Variants in MEIOC observed in about 807,000 individuals in gnomAD.
The protein encoded by MEIOC is meiosis-specific coiled-coil domain-containing protein MEIOC.
Under a neutral mutation model 85.3 loss-of-function variants are expected in MEIOC, and 9 were observed. That is an observed-to-expected ratio of 0.11 (90% CI 0.06 to 0.18). The LOEUF (loss-of-function observed/expected upper bound fraction) is 0.18. Ranked by LOEUF, MEIOC falls within the 10% of genes least tolerant of loss-of-function variation. MEIOC has a pLI of 1.00. For missense variants in MEIOC, 898 were observed against 1,129.4 expected (o/e 0.80, Z 2.94); for synonymous variants, 365 against 393.7 (o/e 0.93, Z 0.86).
At position 44,667,209 on chromosome 17, in the gene MEIOC, A is replaced by G. The variant is rs751077830; in HGVS notation, c.1298A>G (p.Asn433Ser). 22 of 1,613,772 alleles carry G rather than the reference A, an allele frequency of 1.4e-5. No homozygotes were observed. In the Middle Eastern group the frequency reaches 4.9e-4, roughly 36 times the overall value. ...AAACCTCACACAGCTTGTCCCGCTAATGATTTTGCTAACGTCACAGAAAAG... is the reference window on the plus strand; with the variant it reads ...AAACCTCACACAGCTTGTCCCGCTAGTGATTTTGCTAACGTCACAGAAAAG... ...GLKPHTACPA[N>S]DFANVTEKQQ... Residue 433 changes from asparagine (N) to serine (S), a missense_variant, in exon 5 of 8, where the codon AAT (asparagine) becomes AGT (serine). Physicochemically the swap from Asn to Ser is conservative, Grantham distance 46. This residue lies in a region of MEIOC where 734 missense variants were observed against 860.1 expected (regional missense o/e 0.85). Transcript: ENST00000409122.
At chr17:44,669,300 T>G in intron 5 of MEIOC, 83 bp from the exon 6 acceptor site, 2 of 1,138,474 alleles carry the variant, frequency 1.8e-6, no homozygotes, top group Non-Finnish European at 1.2e-6. Flanking sequence ...AATACTCTAT[T>G]TATTAGGCTT....
Position 44,667,789 on chromosome 17 carries a change from A to G in MEIOC, c.1878A>G (p.Leu626=). Residue 626 remains leucine, a synonymous_variant, in exon 5 of 8, where the codon TTA becomes TTG. Coordinates refer to ENST00000409122, the MANE Select transcript of MEIOC (RefSeq NM_001145080.3). ...HYDPEEGPKH[L]DGLSQNTYQD... ...ATCCTGAGGAAGGTCCAAAGCATTT[A>G]GATGGCTTATCACAAAATACATACC... 6.2e-7 allele frequency: 1 copy of G among 1,613,952 alleles called. No individual in the cohort carries two copies. The highest frequency in any genetic ancestry group is 8.5e-7 in the Non-Finnish European group (1 of 1,179,858).
intron 2 of MEIOC, among the ~76,000 whole-genome samples, chr17:44,661,314 G>C (rs1270807809): frequency 2.1e-5 from 2 of 97,020 alleles, no homozygotes; most frequent in Non-Finnish European, 4.4e-5. Flanking sequence ...AAAAAAAAAA[G>C]ATACTGTATA....
chr17:44,666,939 C>A lies in MEIOC; in HGVS notation c.1028C>A (p.Ser343Ter). The A allele has an allele frequency of 6.2e-7, 1 of 1,610,222 alleles. No homozygotes were observed. ...AATAAGGCTAAGCTTAATAAATGTT[C>A]AAATTTTAGTGTCCAAGATAGCAAA... is the stretch of plus-strand genomic sequence containing the variant. The part of the protein sequence containing the change: ...HPNKAKLNKC[S>*]NFSVQDSKKL... Residue 343 changes from serine to a stop codon, truncating the protein, a stop_gained, in exon 5 of 8, where the codon TCA becomes TAA. Transcript: ENST00000409122. LOFTEE classifies it high-confidence loss of function.
At chr17:44,664,500 T>A (rs1162529463) in intron 3 of MEIOC, among the ~76,000 whole-genome samples, 1 of 152,182 alleles carries the variant, frequency 6.6e-6, no homozygotes, top group Non-Finnish European at 1.5e-5. Context: ...TCAAAACAAA[T>A]GCTCATTGGA....
chr17:44,657,089 G>C (rs1364274542), intron 1 of MEIOC, 38 bp from the exon 2 acceptor site: 2 of 1,532,366 alleles, frequency 1.3e-6, no homozygotes, highest in Non-Finnish European at 1.8e-6. Flanking sequence ...TCACCCTCGT[G>C]ACCACTTTCT....
At chr17:44,664,053 ACCGG>A (rs1487912603) in intron 3 of MEIOC, among the ~76,000 whole-genome samples, 2 of 152,084 alleles carry the variant, frequency 1.3e-5, no homozygotes, top group Non-Finnish European at 2.9e-5. Context: ...ATATGAAAAA[ACCGG>A]AAGTTACAAT....
intron 2 of MEIOC, among the ~76,000 whole-genome samples, chr17:44,661,063 T>G (rs1971835404): frequency 6.6e-6 from 1 of 152,014 alleles, no homozygotes; most frequent in African/African-American, 2.4e-5. Flanking sequence ...GGCGGGCAGA[T>G]CACTTGAGGT....
Position 44,674,415 on chromosome 17 carries a change from T to C in MEIOC, c.*219T>C. On this transcript the variant is annotated 3_prime_UTR_variant, in exon 8 of 8. Transcript: ENST00000409122. Reference sequence around the variant, plus strand: ...CAAAGGTACAGTTGACTACTCAGAGTTCTGAGTAGTCAGATAACAAGTTTA... The same window carrying C: ...CAAAGGTACAGTTGACTACTCAGAGCTCTGAGTAGTCAGATAACAAGTTTA... 8 of 1,286,308 alleles carry C rather than the reference T, an allele frequency of 6.2e-6. No homozygotes were observed. The highest frequency in any genetic ancestry group is 7.9e-6 in the Non-Finnish European group (8 of 1,009,852). 79.7% of individuals were successfully genotyped at this position (1,286,308 alleles called of 1,614,324 possible).
chr17:44,668,206 G>C lies in MEIOC; in HGVS notation c.2295G>C (p.Trp765Cys). The change falls in exon 5 of 8, where the codon TGG becomes TGC. Residue 765 changes from tryptophan (W) to cysteine (C), a missense_variant. By Grantham distance (215) the Trp-to-Cys change is radical. Transcript: ENST00000409122. The stretch of plus-strand genomic sequence containing the variant: ...GTCTAGAAGAGTGCTGTGAACAATG[G>C]AGAGCATTAGAAAAAGAGAGAAAAA... ...HIRLEECCEQ[W>C]RALEKERKKT... 1.9e-6 allele frequency: 3 copies of C among 1,603,344 alleles called. No individual in the cohort carries two copies. Among genetic ancestry groups the C allele is most frequent in the Non-Finnish European group, 2.5e-6 (3 of 1,176,666 alleles).
At chr17:44,664,092 C>T (rs574492091) in intron 3 of MEIOC, among the ~76,000 whole-genome samples, 94 of 151,968 alleles carry the variant, frequency 6.2e-4, no homozygotes, top group Non-Finnish European at 1.2e-3. Context: ...TGTACAGGGC[C>T]GGGATTGGTG....
chr17:44,656,990 G>A (rs1971767841), intron 1 of MEIOC, 137 bp from the exon 2 acceptor site: 1 of 1,022,654 alleles, frequency 9.8e-7, no homozygotes, highest in Non-Finnish European at 1.4e-6. Flanking sequence ...CTGGAAGCGC[G>A]GGCCCCCACA....
chr17:44,670,246 G>C (rs1229683901), intron 6 of MEIOC: 1 of 110,516 alleles, frequency 9.0e-6, no homozygotes, highest in Non-Finnish European at 1.7e-5. Flanking sequence ...CTGGGGAACA[G>C]AGCAAGATCT....
chr17:44,666,329 A>C, intron 4 of MEIOC, 47 bp from the exon 5 acceptor site: 2 of 1,442,008 alleles, frequency 1.4e-6, no homozygotes, highest in Non-Finnish European at 1.8e-6. Flanking sequence ...TGAAGAAATA[A>C]AGTCTTTAAA....
chr17:44,662,273 A>C (rs1971852020), intron 2 of MEIOC, 44 bp from the exon 3 acceptor site: 1 of 1,414,488 alleles, frequency 7.1e-7, no homozygotes, highest in Non-Finnish European at 9.6e-7. Context: ...TCTACAACAA[A>C]TGAAGTTTTG....
intron 2 of MEIOC, among the ~76,000 whole-genome samples, chr17:44,661,760 T>C (rs1971845350): frequency 6.6e-6 from 1 of 152,066 alleles, no homozygotes; most frequent in Non-Finnish European, 1.5e-5. Flanking sequence ...TTAGCCAGGA[T>C]GGTCTCATCT....
chr17:44,662,338 A>C lies in MEIOC; in HGVS notation c.226A>C (p.Arg76=). 6.5e-7 allele frequency: 1 copy of C among 1,548,458 alleles called. No homozygotes were observed. The highest frequency in any genetic ancestry group is 8.7e-7 in the Non-Finnish European group (1 of 1,145,880). ...TSQSEDNVDL[R]QTYTPFSSTE... ...TCAGAGTGAAGACAATGTAGACCTA[A>C]GGCAGACCTATACTCCATTTTCTTC... is the stretch of plus-strand genomic sequence containing the variant. The change falls in exon 3 of 8, where the codon AGG becomes CGG. Residue 76 remains arginine (R), a synonymous_variant. Transcript: ENST00000409122.
rs1249271192 is a variant in MEIOC at position 44,674,256 on chromosome 17, T to C, written c.*60T>C. 6.7e-7 allele frequency: 1 copy of C among 1,484,830 alleles called. No individual in the cohort carries two copies. The highest frequency in any genetic ancestry group is 1.4e-5 in the African/African-American group (1 of 70,546). 92.0% of individuals were successfully genotyped at this position (1,484,830 alleles called of 1,614,324 possible). ...TAAATATACCAAGACATGCTAAAAATGTTTTAATGAACTTGTCAAACTTTC... is the reference window on the plus strand; with the variant it reads ...TAAATATACCAAGACATGCTAAAAACGTTTTAATGAACTTGTCAAACTTTC... On this transcript the variant is annotated 3_prime_UTR_variant, in exon 8 of 8. Coordinates refer to ENST00000409122, the MANE Select transcript of MEIOC (RefSeq NM_001145080.3).
chr17:44,663,535 C>T (rs1598726311), intron 3 of MEIOC, among the ~76,000 whole-genome samples: 1 of 151,954 alleles, frequency 6.6e-6, no homozygotes, highest in Non-Finnish European at 1.5e-5. Context: ...CTACAAAAAA[C>T]AAAAATATTT....
Sources: gnomAD v4.1 joint callset for allele counts (sites outside exome capture counted in the v4.1 genomes callset) on GRCh38, gnomAD v4.1.1 for gene constraint, gnomAD v4.1.1 regional missense constraint, MANE v1.5 for transcripts, NCBI Gene and HGNC (gene_info 2026-07-23, HGNC 2026-07-21) for gene names.